The following LARP1 variants were observed in gnomAD, a reference collection of about 807,000 sequenced individuals.
LARP1 encodes the protein La ribonucleoprotein 1, translational regulator, also known as la-related protein 1.
A neutral mutation model predicts 122.7 loss-of-function variants in LARP1; 36 were observed. The ratio of observed to expected loss-of-function variants is 0.29; its 90% CI spans 0.22 to 0.39. LARP1 has a LOEUF of 0.39. Ranked by LOEUF, LARP1 falls within the 10% of genes least tolerant of loss-of-function variation. LARP1 has a pLI of 1.00. For missense variants in LARP1, 1,040 were observed against 1,403.6 expected (o/e 0.74, Z 4.14); for synonymous variants, 539 against 528.7 (o/e 1.02, Z -0.27).
At chr5:154,704,684 A>G (rs950711366) in intron 1 of LARP1, among the ~76,000 whole-genome samples, 2 of 151,834 alleles carry the variant, frequency 1.3e-5, no homozygotes, top group African/African-American at 4.8e-5. Flanking sequence ...GCACAGCAGA[A>G]ACTATAACAG....
rs1758543082 is a variant in LARP1 at position 154,803,875 on chromosome 5, C to T, written c.2439+130C>T. The stretch of plus-strand genomic sequence containing the variant: ...CCTTCACCTGCTCTGTGTTCTGAGG[C>T]TGGTGGGCTTACCTAGGATTAGGTA... On this transcript the variant is annotated intron_variant, in intron 13 of 18. Coordinates refer to ENST00000518297, the MANE Select transcript of LARP1 (RefSeq NM_033551.3). The surrounding 1 kb of genome is among the most constrained non-coding windows in gnomAD (Gnocchi z 4.4). 1.0e-6 allele frequency: 1 copy of T among 989,906 alleles called. No homozygotes were observed. Among genetic ancestry groups the T allele is most frequent in the Non-Finnish European group, 1.5e-6 (1 of 657,574 alleles). 61.3% of individuals were successfully genotyped at this position (989,906 alleles called of 1,614,324 possible). A position where few individuals can be genotyped will look rare whatever the true frequency, so the allele number is the denominator to read the frequency against.
chr5:154,707,147 A>C (rs988422121), intron 1 of LARP1, among the ~76,000 whole-genome samples: 7 of 152,132 alleles, frequency 4.6e-5, no homozygotes, highest in Non-Finnish European at 1.0e-4. Flanking sequence ...GCCTGGGAGC[A>C]GTGACTCGAG....
Position 154,808,476 on chromosome 5 carries a change from A to G in LARP1, c.2716A>G (p.Ile906Val), listed in dbSNP as rs1288169811. The change falls in exon 16 of 19, where the codon ATT (isoleucine) becomes GTT (valine). Residue 906 changes from isoleucine to valine, a missense_variant. This residue lies in a region of LARP1 where 59 missense variants were observed against 137.2 expected (regional missense o/e 0.43). Coordinates refer to ENST00000518297, the MANE Select transcript of LARP1 (RefSeq NM_033551.3). ...RCLNERKRLGIGQSQEMNTLF... is the reference protein window; with the variant it reads ...RCLNERKRLGVGQSQEMNTLF... ...CCCATCAGAGCGGAAACGCTTGGGC[A>G]TTGGCCAGTCTCAGGAGATGAACAC... 5 of 1,613,340 alleles carry G rather than the reference A, an allele frequency of 3.1e-6. No individual in the cohort carries two copies. Among genetic ancestry groups the G allele is most frequent in the Admixed American group, 3.3e-5 (2 of 60,002 alleles).
At chr5:154,796,074 TATATATATTA>T (rs1561615938) in intron 8 of LARP1, among the ~76,000 whole-genome samples, 3 of 98,880 alleles carry the variant, frequency 3.0e-5, no homozygotes, top group Admixed American at 1.4e-4. Flanking sequence ...TTATATATAG[TATATATATTA>T]TATATATATT....
At chr5:154,797,221 GTTTTTT>G (rs1158010359) in intron 8 of LARP1, among the ~76,000 whole-genome samples, 1 of 29,748 alleles carries the variant, frequency 3.4e-5, no homozygotes, top group African/African-American at 1.0e-4. Flanking sequence ...TGTTGTTGTT[GTTTTTT>G]TTTTTTTTTT....
chr5:154,762,016 C>G (rs182450120), intron 1 of LARP1, among the ~76,000 whole-genome samples: 1 of 151,968 alleles, frequency 6.6e-6, no homozygotes, highest in Admixed American at 6.6e-5. Context: ...CCGAGGCGGG[C>G]GGATCATGAG....
upstream of LARP1, among the ~76,000 whole-genome samples, chr5:154,755,239 T>C (rs1346869113): frequency 1.5e-5 from 1 of 68,204 alleles, no homozygotes; most frequent in Non-Finnish European, 2.8e-5. Flanking sequence ...TGCCCGCCCG[T>C]CGCCCAGGGC....
chr5:154,705,472 A>C (rs1754905862), intron 1 of LARP1, among the ~76,000 whole-genome samples: 1 of 152,178 alleles, frequency 6.6e-6, no homozygotes, highest in African/African-American at 2.4e-5. Flanking sequence ...TCCCAGGTTC[A>C]AGGGATTCTC....
intron 1 of LARP1, among the ~76,000 whole-genome samples, chr5:154,768,276 T>C (rs1755112064): frequency 6.6e-6 from 1 of 152,216 alleles, no homozygotes; most frequent in Admixed American, 6.5e-5. Context: ...AAAATACTTT[T>C]CAGATTCATT....
intron 1 of LARP1, among the ~76,000 whole-genome samples, chr5:154,732,430 C>G (rs1380689638): frequency 1.3e-5 from 2 of 152,140 alleles, no homozygotes; most frequent in African/African-American, 4.8e-5. Flanking sequence ...CAAATAGGAT[C>G]CAACTCTGAT....
intron 1 of LARP1, among the ~76,000 whole-genome samples, chr5:154,715,011 C>T (rs1755412820): frequency 6.6e-6 from 1 of 151,872 alleles, no homozygotes; most frequent in African/African-American, 2.4e-5. Flanking sequence ...AACTCCGTCT[C>T]TACTAAAAAT....
Position 154,770,528 on chromosome 5 carries a change from A to AG in LARP1, c.436+14337dup, listed in dbSNP as rs370844407. ...TGGCTCTCTCCCTGCCCCAGGGTAG[A>AG]GGTGGAATGAGGGTATGAGAGAATA... On this transcript the variant is annotated intron_variant, in intron 1 of 18. Coordinates refer to ENST00000518297, the MANE Select transcript of LARP1 (RefSeq NM_033551.3). Among the ~76,000 whole-genome samples the AG allele has an allele frequency of 3.9e-5, 6 of 151,942 alleles. No individual in the cohort carries two copies. In the East Asian group the frequency reaches 1.2e-3, roughly 29 times the overall value.
intron 8 of LARP1, 65 bp from the exon 9 acceptor site, chr5:154,799,526 C>T (rs972684109): frequency 1.3e-6 from 2 of 1,567,158 alleles, no homozygotes; most frequent in Non-Finnish European, 1.7e-6. Context: ...AGTTGTCTAC[C>T]ATTTCCAAGA....
chr5:154,811,903 C>T (rs141857087), intron 18 of LARP1, among the ~76,000 whole-genome samples: 1 of 152,334 alleles, frequency 6.6e-6, no homozygotes, highest in African/African-American at 2.4e-5. Context: ...TCACCATCCT[C>T]CTTGCTACTG....
intron 1 of LARP1, among the ~76,000 whole-genome samples, chr5:154,705,379 T>C (rs1462964464): frequency 1.3e-5 from 2 of 152,096 alleles, no homozygotes; most frequent in African/African-American, 4.8e-5. Flanking sequence ...TATTTATTTA[T>C]TTATTTTTTT....
At chr5:154,765,539 A>T (rs1469783873) in intron 1 of LARP1, among the ~76,000 whole-genome samples, 2 of 152,156 alleles carry the variant, frequency 1.3e-5, no homozygotes, top group African/African-American at 4.8e-5. Flanking sequence ...GACTACAGGC[A>T]CACGTCACCA....
intron 1 of LARP1, among the ~76,000 whole-genome samples, chr5:154,768,918 T>G (rs1755175852): frequency 6.6e-6 from 1 of 152,248 alleles, no homozygotes; most frequent in African/African-American, 2.4e-5. Flanking sequence ...CTCAGCTCAC[T>G]GCAACCTCCG....
At chr5:154,749,311 G>T (rs547709316) in intron 1 of LARP1, among the ~76,000 whole-genome samples, 1 of 152,310 alleles carries the variant, frequency 6.6e-6, no homozygotes, top group Non-Finnish European at 1.5e-5. Flanking sequence ...GATGAGAAGA[G>T]GCTGGGATGG....
intron 1 of LARP1, among the ~76,000 whole-genome samples, chr5:154,686,730 CTGTT>C (rs1753957013): frequency 6.6e-6 from 1 of 152,180 alleles, no homozygotes; most frequent in Non-Finnish European, 1.5e-5. Context: ...GGCCGACAGA[CTGTT>C]TGATTGGCAC....
Sources: allele counts gnomAD v4.1 joint callset (sites outside exome capture counted in the v4.1 genomes callset), GRCh38; gene constraint gnomAD v4.1.1; regional missense constraint gnomAD v4.1.1; non-coding constraint Gnocchi (gnomAD v3.1); transcripts MANE v1.5; gene names NCBI Gene and HGNC (gene_info 2026-07-23, HGNC 2026-07-21).